PRDM10: variants seen among roughly 807,000 people sequenced by gnomAD.
PRDM10 encodes PR domain zinc finger protein 10.
In PRDM10, 65 loss-of-function variants were observed where a neutral mutation model predicts 133.1. The observed-to-expected ratio is 0.49, with a 90% CI of 0.40 to 0.60. The LOEUF is 0.60. Among genes scored for constraint, PRDM10 ranks in the 20% least tolerant of loss-of-function variants. The probability of loss-of-function intolerance (pLI) is 0.00; values close to 1 mark genes in which losing one functional copy is unlikely to be tolerated. For synonymous variants in PRDM10, 582 were observed against 580.4 expected (o/e 1.00, Z -0.04); for missense variants, 1,137 against 1,507.1 (o/e 0.75, Z 4.07).
chr11:129,903,764 T>A (rs2135702241), intron 20 of PRDM10, among the ~76,000 whole-genome samples: 1 of 152,176 alleles, frequency 6.6e-6, no homozygotes, highest in Non-Finnish European at 1.5e-5. Flanking sequence ...CCAGACAACG[T>A]TCTGATTATG....
chr11:129,915,539 T>A, intron 16 of PRDM10, 121 bp downstream of exon 16: 2 of 1,111,638 alleles, frequency 1.8e-6, no homozygotes, highest in Non-Finnish European at 2.5e-6. Context: ...ACAACATCTC[T>A]TTCAGTCCCC....
chr11:129,920,252 G>T (rs897045137), intron 13 of PRDM10, among the ~76,000 whole-genome samples: 9 of 152,106 alleles, frequency 5.9e-5, no homozygotes. Flanking sequence ...GCACACATTT[G>T]TTGGATGCCA....
At chr11:129,937,721 T>G in intron 7 of PRDM10, 51 bp from the exon 8 acceptor site, 1 of 1,477,646 alleles carries the variant, frequency 6.8e-7, no homozygotes, top group East Asian at 2.3e-5. Flanking sequence ...CCAGATGTTC[T>G]TTGCATGCTT....
Position 129,961,060 on chromosome 11 carries a change from G to A in PRDM10, c.-96C>T, listed in dbSNP as rs1458907305. On this transcript the variant is annotated 5_prime_UTR_variant, in exon 2 of 21. Transcript: ENST00000360871. ...TACCACACGTGTGTTCATGAAGGACGGAAAGGTCTGTCTGCAGCATGCCTG... is the reference window on the plus strand; with the variant it reads ...TACCACACGTGTGTTCATGAAGGACAGAAAGGTCTGTCTGCAGCATGCCTG... The A allele has an allele frequency of 1.0e-5, 11 of 1,075,650 alleles. No homozygotes were observed. The highest frequency in any genetic ancestry group is 2.8e-5 in the South Asian group (2 of 70,858). The allele number at this position is 1,075,650 out of a possible 1,614,324, so 66.6% of individuals were successfully genotyped here.
intron 10 of PRDM10, 124 bp downstream of exon 10, chr11:129,931,978 G>T: frequency 8.2e-7 from 1 of 1,214,518 alleles, no homozygotes; most frequent in Non-Finnish European, 1.1e-6. Context: ...TAATTAACAG[G>T]CAGCAAGGTC....
intron 1 of PRDM10, among the ~76,000 whole-genome samples, chr11:129,973,275 G>A (rs1937613318): frequency 6.6e-6 from 1 of 152,172 alleles, no homozygotes. Context: ...TCTGTTAACA[G>A]TTCTATGCAA....
chr11:129,969,555 A>G (rs1951972844), intron 1 of PRDM10, among the ~76,000 whole-genome samples: 1 of 151,784 alleles, frequency 6.6e-6, no homozygotes. Flanking sequence ...GCACTTTGGG[A>G]GGCCAAGGTG....
chr11:129,918,519 C>A lies in PRDM10; in HGVS notation c.2214+20G>T, dbSNP rs758824017. The A allele has an allele frequency of 3.1e-6, 5 of 1,606,734 alleles. No individual in the cohort carries two copies. The highest frequency in any genetic ancestry group is 4.3e-6 in the Non-Finnish European group (5 of 1,176,072). On this transcript the variant is annotated intron_variant, in intron 14 of 20. Transcript: ENST00000360871. The surrounding 1 kb of genome is among the most constrained non-coding windows in gnomAD (Gnocchi z 5.3). ...GGTATGCTGGGAAGACAGAGGAACCCGCAGCCACTGGGCACTGACCAGCAT... is the reference window on the plus strand; with the variant it reads ...GGTATGCTGGGAAGACAGAGGAACCAGCAGCCACTGGGCACTGACCAGCAT...
chr11:129,913,425 G>A (rs552625176), intron 17 of PRDM10, among the ~76,000 whole-genome samples: 1 of 152,162 alleles, frequency 6.6e-6, no homozygotes, highest in Non-Finnish European at 1.5e-5. Flanking sequence ...GAAGGAGAGA[G>A]AGGGAAGATA....
At chr11:129,919,801 T>C (rs1384675996) in intron 13 of PRDM10, among the ~76,000 whole-genome samples, 1 of 152,164 alleles carries the variant, frequency 6.6e-6, no homozygotes, top group Non-Finnish European at 1.5e-5. Flanking sequence ...ACTCAACAAA[T>C]ATTCCTTGAG....
intron 10 of PRDM10, 85 bp from the exon 11 acceptor site, chr11:129,931,343 A>C: frequency 2.0e-6 from 3 of 1,480,068 alleles, no homozygotes; most frequent in Non-Finnish European, 2.7e-6. Flanking sequence ...TTTCAGAATG[A>C]CTAGATTCAT....
chr11:129,924,154 A>G (rs1448900320), intron 12 of PRDM10, among the ~76,000 whole-genome samples: 2 of 152,248 alleles, frequency 1.3e-5, no homozygotes, highest in East Asian at 3.8e-4. Flanking sequence ...TTCTTTTGCC[A>G]TTAAATTATG....
intron 1 of PRDM10, among the ~76,000 whole-genome samples, chr11:130,001,194 TA>T (rs373772488): frequency 1.3e-3 from 200 of 151,678 alleles, no homozygotes; most frequent in African/African-American, 3.6e-3. Context: ...ATCCTAATTT[TA>T]AAAAAAAATC....
chr11:129,945,064 G>A lies in PRDM10; in HGVS notation c.521-52C>T. On this transcript the variant is annotated intron_variant, in intron 5 of 20. Transcript: ENST00000360871. The surrounding 1 kb of genome is among the most constrained non-coding windows in gnomAD (Gnocchi z 4.2). ...AAAGTCCAATTCCTCAGTGTGACTT[G>A]ATGTGAGGTAAAAAATTCTGACCCG... 1 of 1,587,758 alleles carries A rather than the reference G, an allele frequency of 6.3e-7. No homozygotes were observed. Among genetic ancestry groups the A allele is most frequent in the Non-Finnish European group, 8.5e-7 (1 of 1,173,010 alleles).
At chr11:129,959,343 A>G (rs915527844) in intron 2 of PRDM10, among the ~76,000 whole-genome samples, 1 of 152,262 alleles carries the variant, frequency 6.6e-6, no homozygotes, top group Non-Finnish European at 1.5e-5. Flanking sequence ...CTTAATTGCT[A>G]TAAGACAATT....
chr11:129,949,944 C>CA (rs1187690998), intron 4 of PRDM10, among the ~76,000 whole-genome samples: 1 of 136,920 alleles, frequency 7.3e-6, no homozygotes, highest in Non-Finnish European at 1.6e-5. Flanking sequence ...CCCCACCCCC[C>CA]AAAAAAAGAG....
rs999640984 is a variant in PRDM10, at chr11:129,917,049, A to G, written c.2325+78T>C. 28 of 989,868 alleles carry G rather than the reference A, an allele frequency of 2.8e-5. No homozygotes were observed. In the East Asian group the frequency reaches 5.3e-4, roughly 19 times the overall value. 61.3% of individuals were successfully genotyped at this position (989,868 alleles called of 1,614,324 possible). A position where few individuals can be genotyped will look rare whatever the true frequency, so the allele number is the denominator to read the frequency against. ...GTAAGAGTAACAAAAAAATCGTAGT[A>G]TATATTTATAAATACGGACAAGTCA... On this transcript the variant is annotated intron_variant, in intron 15 of 20. Coordinates refer to ENST00000360871, the MANE Select transcript of PRDM10 (RefSeq NM_199437.2).
chr11:129,915,067 T>C (rs1950314269), intron 16 of PRDM10, 49 bp from the exon 17 acceptor site: 2 of 1,524,264 alleles, frequency 1.3e-6, no homozygotes, highest in Non-Finnish European at 1.8e-6. Context: ...ATTTGTGATT[T>C]TCCGTTTTTC....
At position 129,975,417 on chromosome 11, in the gene PRDM10, C is replaced by G. The variant is rs1419040719; in HGVS notation, c.-118-14335G>C. Among the ~76,000 whole-genome samples, 3 of 151,122 alleles carry G rather than the reference C, an allele frequency of 2.0e-5. No homozygotes were observed. In the East Asian group the frequency reaches 5.8e-4, roughly 29 times the overall value. On this transcript the variant is annotated intron_variant, in intron 1 of 20. Coordinates refer to ENST00000360871, the MANE Select transcript of PRDM10 (RefSeq NM_199437.2). ...TCCAGCCTGGATAACAGGCGCGAAT[C>G]TCCATCTCAAAAAAAAAAAAATTTA...
Sources: gnomAD v4.1 joint callset for allele counts (sites outside exome capture counted in the v4.1 genomes callset) on GRCh38, gnomAD v4.1.1 for gene constraint, Gnocchi (gnomAD v3.1) non-coding constraint, MANE v1.5 for transcripts, NCBI Gene and HGNC (gene_info 2026-07-23, HGNC 2026-07-21) for gene names.